The following MYO16 variants were observed in gnomAD, a reference collection of about 807,000 sequenced individuals.
MYO16 encodes the protein myosin XVI, also known as unconventional myosin-XVI.
In MYO16, 94 loss-of-function variants were observed where a neutral mutation model predicts 205.3. The ratio of observed to expected loss-of-function variants is 0.46; its 90% confidence interval spans 0.39 to 0.54. MYO16 has a LOEUF of 0.54. Ranked by LOEUF, MYO16 falls within the 20% of genes least tolerant of loss-of-function variation. The pLI is 0.00. For synonymous variants in MYO16, 988 were observed against 954.0 expected (o/e 1.04, Z -0.66); for missense variants, 2,315 against 2,387.5 (o/e 0.97, Z 0.63).
Position 109,199,840 on chromosome 13 carries a change from T to C in MYO16, c.5416-6769T>C, listed in dbSNP as rs1880332381. Among the ~76,000 whole-genome samples the C allele has an allele frequency of 2.6e-5, 4 of 152,226 alleles. No individual in the cohort carries two copies. In the South Asian group the frequency reaches 8.3e-4, roughly 32 times the overall value. On this transcript the variant is annotated intron_variant, in intron 34 of 34. Transcript: ENST00000457511. ...ATGGTAAAGGAAGCCATGAGTGTTT[T>C]TGTTGTTACCAGTAGTACATAAAGT...
At chr13:108,960,248 C>T (rs1487911317) in intron 17 of MYO16, among the ~76,000 whole-genome samples, 4 of 140,208 alleles carry the variant, frequency 2.9e-5, no homozygotes, top group African/African-American at 1.1e-4. Flanking sequence ...ACACTCCAGC[C>T]TGGGCAACAG....
intron 16 of MYO16, among the ~76,000 whole-genome samples, chr13:108,918,926 G>A (rs1473353148): frequency 6.9e-6 from 1 of 144,950 alleles, no homozygotes; most frequent in Non-Finnish European, 1.5e-5. Context: ...TGGGCAACAA[G>A]AGCGAGACTC....
chr13:108,985,843 A>G (rs1884608782), intron 20 of MYO16, among the ~76,000 whole-genome samples: 1 of 152,228 alleles, frequency 6.6e-6, no homozygotes, highest in Non-Finnish European at 1.5e-5. Flanking sequence ...TTGTGATCCA[A>G]GTGAGCATAC....
At chr13:108,939,966 C>G (rs1031574332) in intron 16 of MYO16, among the ~76,000 whole-genome samples, 1 of 152,128 alleles carries the variant, frequency 6.6e-6, no homozygotes, top group African/African-American at 2.4e-5. Flanking sequence ...GTTGCAGTAT[C>G]TCACCTGGTT....
At chr13:108,743,954 T>C (rs1884984601) in intron 4 of MYO16, among the ~76,000 whole-genome samples, 1 of 152,248 alleles carries the variant, frequency 6.6e-6, no homozygotes, top group Admixed American at 6.5e-5. Context: ...ATCACTTCAA[T>C]TTCTTACATA....
intron 23 of MYO16, 58 bp downstream of exon 23, chr13:109,019,969 A>G: frequency 6.5e-7 from 1 of 1,534,916 alleles, no homozygotes; most frequent in Non-Finnish European, 9.0e-7. Flanking sequence ...GGTCCTTGGG[A>G]CAAGCTCTAG....
chr13:108,797,084 A>C (rs1886818307), intron 6 of MYO16, among the ~76,000 whole-genome samples: 1 of 152,166 alleles, frequency 6.6e-6, no homozygotes, highest in African/African-American at 2.4e-5. Flanking sequence ...ACCTCCTAAT[A>C]AATGTGTTGT....
chr13:108,610,314 G>A (rs1480477677), intron 1 of MYO16, among the ~76,000 whole-genome samples: 1 of 152,138 alleles, frequency 6.6e-6, no homozygotes, highest in Non-Finnish European at 1.5e-5. Flanking sequence ...AATTGATTAA[G>A]TTTACTAATA....
At chr13:108,623,709 T>C (rs1879624757) in intron 1 of MYO16, among the ~76,000 whole-genome samples, 1 of 152,170 alleles carries the variant, frequency 6.6e-6, no homozygotes, top group South Asian at 2.1e-4. Context: ...CAATTCTAAT[T>C]CTCTGGCTCT....
chr13:108,783,172 C>T (rs1158412179), intron 4 of MYO16, among the ~76,000 whole-genome samples: 1 of 152,256 alleles, frequency 6.6e-6, no homozygotes, highest in East Asian at 1.9e-4. Flanking sequence ...AGGCTGAACC[C>T]TGCAAAGCCA....
At chr13:108,854,199 G>A (rs772727722) in intron 10 of MYO16, among the ~76,000 whole-genome samples, 74 of 152,006 alleles carry the variant, frequency 4.9e-4, no homozygotes, top group Non-Finnish European at 7.4e-4. Flanking sequence ...GTTTCGCCGC[G>A]TTGGTCAGGC....
the MYO16 span, among the ~76,000 whole-genome samples, chr13:108,567,619 G>A: frequency 6.6e-6 from 1 of 152,094 alleles, no homozygotes; most frequent in Admixed American, 6.5e-5. Flanking sequence ...ATATAATGAT[G>A]TTTTTGAAAC....
intron 1 of MYO16, among the ~76,000 whole-genome samples, chr13:108,606,226 A>G (rs1384332397): frequency 6.6e-6 from 1 of 152,254 alleles, no homozygotes; most frequent in East Asian, 1.9e-4. Flanking sequence ...AGTCTTCTGC[A>G]TAAAGTTGCA....
Position 108,838,676 on chromosome 13 carries a change from A to T in MYO16, c.1098-5667A>T, listed in dbSNP as rs866675865. ...GAGTGAGACTGTCTCAAAAAAAAAA[A>T]AAATATATATATATACACACACACA... On this transcript the variant is annotated intron_variant, in intron 9 of 34. Transcript: ENST00000457511. Among the ~76,000 whole-genome samples, 915 of 110,798 alleles carry T rather than the reference A, an allele frequency of 8.3e-3. 7 individuals carry two copies. The highest frequency in any genetic ancestry group is 0.022 in the South Asian group (71 of 3,218). 72.7% of individuals were successfully genotyped at this position (110,798 alleles called of 152,430 possible).
chr13:108,970,543 G>A (rs111587067), intron 20 of MYO16, among the ~76,000 whole-genome samples: 1,938 of 152,310 alleles, frequency 0.013, 36 homozygotes, highest in African/African-American at 0.044. Flanking sequence ...GGGGGCAGCT[G>A]TCATGCTCCT....
At chr13:108,957,543 CACCAA>C in intron 16 of MYO16, 140 bp from the exon 17 acceptor site, 1 of 570,728 alleles carries the variant, frequency 1.8e-6, no homozygotes, top group Non-Finnish European at 3.3e-6. Flanking sequence ...TGCTGTGATG[CACCAA>C]ATGCTTTGAA....
intron 17 of MYO16, among the ~76,000 whole-genome samples, chr13:108,960,621 A>G (rs180694297): frequency 1.3e-5 from 2 of 152,328 alleles, no homozygotes; most frequent in African/African-American, 4.8e-5. Flanking sequence ...CCGCTTCCAC[A>G]GTAGTTAGGG....
intron 20 of MYO16, among the ~76,000 whole-genome samples, chr13:108,989,651 C>T (rs1884755255): frequency 6.6e-6 from 1 of 152,076 alleles, no homozygotes. Context: ...AAGCATTTCT[C>T]ATAGTCTTCT....
chr13:108,683,233 T>C (rs909171612), intron 2 of MYO16, among the ~76,000 whole-genome samples: 2 of 152,312 alleles, frequency 1.3e-5, no homozygotes, highest in Admixed American at 1.3e-4. Flanking sequence ...ATAAGTGCCT[T>C]ATCCTTCCCA....
Sources: gnomAD v4.1 joint callset for allele counts (sites outside exome capture counted in the v4.1 genomes callset) on GRCh38, gnomAD v4.1.1 for gene constraint, MANE v1.5 for transcripts, NCBI Gene and HGNC (gene_info 2026-07-23, HGNC 2026-07-21) for gene names.